Variants in AHNAK observed in about 807,000 individuals in gnomAD.
AHNAK encodes neuroblast differentiation-associated protein AHNAK.
In AHNAK, 23 loss-of-function variants were observed where a neutral mutation model predicts 37.8. The observed-to-expected ratio is 0.61, with a 90% CI of 0.44 to 0.86. The LOEUF is 0.86. Among genes scored for constraint, AHNAK ranks in the 40% least tolerant of loss-of-function variants. The pLI is 0.00. For missense variants in AHNAK, 7,411 were observed against 7,319.4 expected (o/e 1.01, Z -0.46); for synonymous variants, 2,481 against 2,636.3 (o/e 0.94, Z 1.80).
chr11:62,469,912 C>T (rs1938996207), intron 5 of AHNAK, among the ~76,000 whole-genome samples: 1 of 152,192 alleles, frequency 6.6e-6, no homozygotes, highest in South Asian at 2.1e-4. Context: ...CACAGTTCAT[C>T]AATGTGTGTA....
intron 5 of AHNAK, among the ~76,000 whole-genome samples, chr11:62,436,650 G>C (rs1202561739): frequency 7.6e-6 from 1 of 131,296 alleles, no homozygotes; most frequent in African/African-American, 2.8e-5. Flanking sequence ...AAAAAAAAAA[G>C]TATAGGCCGG....
intron 5 of AHNAK, among the ~76,000 whole-genome samples, chr11:62,438,840 G>A (rs778129795): frequency 1.3e-5 from 2 of 152,090 alleles, no homozygotes; most frequent in Non-Finnish European, 2.9e-5. Context: ...TTATTTCAAT[G>A]AGGAGCAAAG....
Position 62,520,439 on chromosome 11 carries a change from A to G in AHNAK, c.13978T>C (p.Phe4660Leu). The G allele has an allele frequency of 6.2e-7, 1 of 1,613,570 alleles. No homozygotes were observed. The highest frequency in any genetic ancestry group is 2.2e-5 in the East Asian group (1 of 44,852). The stretch of plus-strand genomic sequence containing the variant: ...TCTCCTTTGAAGCCAGGCATGCTGA[A>G]CTTGGGCATTTTCACTTTGGGCATT... The part of the protein sequence containing the change: ...LKMPKVKMPK[F>L]SMPGFKGEGP... The change falls in exon 5 of 5, where the codon TTC becomes CTC. Residue 4660 changes from phenylalanine (F) to leucine (L), a missense_variant. Phe to Leu is a conservative substitution (Grantham distance 22). Coordinates refer to ENST00000378024, the MANE Select transcript of AHNAK (RefSeq NM_001620.3).
chr11:62,470,353 A>C (rs1237105061), intron 5 of AHNAK, among the ~76,000 whole-genome samples: 1 of 152,076 alleles, frequency 6.6e-6, no homozygotes, highest in Non-Finnish European at 1.5e-5. Context: ...GGTTGAGGCA[A>C]GAGAATCGCT....
chr11:62,435,815 T>G (rs998576188), intron 5 of AHNAK, among the ~76,000 whole-genome samples: 1 of 152,182 alleles, frequency 6.6e-6, no homozygotes, highest in African/African-American at 2.4e-5. Context: ...CCCAAAGTGC[T>G]GGGATTGCAG....
At chr11:62,448,431 C>G (rs147954999) in intron 5 of AHNAK, among the ~76,000 whole-genome samples, 9 of 152,070 alleles carry the variant, frequency 5.9e-5, no homozygotes, top group African/African-American at 1.7e-4. Flanking sequence ...GCAGTGGTGG[C>G]GGTAGAGATG....
At position 62,521,818 on chromosome 11, in the gene AHNAK, C is replaced by G. The variant is rs202102732; in HGVS notation, c.12599G>C (p.Gly4200Ala). The change falls in exon 5 of 5, where the codon GGC (glycine) becomes GCC (alanine). Residue 4200 changes from glycine (G) to alanine (A), a missense_variant. Coordinates refer to ENST00000378024, the MANE Select transcript of AHNAK (RefSeq NM_001620.3). ...CACATCTGGGCCCTCTCCTTTGAAG[C>G]CAGGCATGCTGAACTTGGGCATTTT... ...KVKMPKFSMPGFKGEGPDVDV... is the reference protein window; with the variant it reads ...KVKMPKFSMPAFKGEGPDVDV... The G allele has an allele frequency of 2.4e-5, 38 of 1,613,480 alleles. No individual in the cohort carries two copies. The East Asian group carries it at 6.5e-4, about 27-fold the overall frequency.
Position 62,527,677 on chromosome 11 carries a change from T to G in AHNAK, c.6740A>C (p.Lys2247Thr), listed in dbSNP as rs61524789. The G allele has an allele frequency of 5.1e-3, 8,216 of 1,613,964 alleles. 365 individuals are homozygous for G. The African/African-American group carries it at 0.096, about 19-fold the overall frequency. ...GCCAGGCATGCTGAACTTGGGCATTTTCATCTTAGGCATCTTCAGGTGCCA... is the reference window on the plus strand; with the variant it reads ...GCCAGGCATGCTGAACTTGGGCATTGTCATCTTAGGCATCTTCAGGTGCCA... ...PDWHLKMPKM[K>T]MPKFSMPGFK... The change falls in exon 5 of 5, where the codon AAA becomes ACA. Residue 2247 changes from lysine to threonine, a missense_variant. By Grantham distance (78) the Lys-to-Thr change is moderately conservative (BLOSUM62 -1). Transcript: ENST00000378024.
At position 62,518,268 on chromosome 11, in the gene AHNAK, A is replaced by G; in HGVS notation, c.16149T>C (p.Pro5383=). The G allele has an allele frequency of 6.2e-7, 1 of 1,614,128 alleles. No homozygotes were observed. Among genetic ancestry groups the G allele is most frequent in the Non-Finnish European group, 8.5e-7 (1 of 1,180,020 alleles). ...GATCAGGAGCTCCTACGGATACTTTAGGGCATTTGATGTCACCAGAGACAG... is the reference window on the plus strand; with the variant it reads ...GATCAGGAGCTCCTACGGATACTTTGGGGCATTTGATGTCACCAGAGACAG... The part of the protein sequence containing the change: ...DLAVSGDIKC[P]KVSVGAPDLS... The change falls in exon 5 of 5, where the codon CCT becomes CCC. Residue 5383 remains proline, a synonymous_variant. Coordinates refer to ENST00000378024, the MANE Select transcript of AHNAK (RefSeq NM_001620.3).
Position 62,521,176 on chromosome 11 carries a change from A to C in AHNAK, c.13241T>G (p.Leu4414Arg), listed in dbSNP as rs768005097. Residue 4414 changes from leucine to arginine, a missense_variant, in exon 5 of 5, where the codon CTC (leucine) becomes CGC (arginine). Leu to Arg is a moderately radical substitution (Grantham distance 102). Coordinates refer to ENST00000378024, the MANE Select transcript of AHNAK (RefSeq NM_001620.3). ...TTTTATGTCAATTTCAGGGCCCTTG[A>C]GATCACCTTCCACTTTGGGCAGAGA... ...DVSLPKVEGDLKGPEIDIKGP... is the reference protein window; with the variant it reads ...DVSLPKVEGDRKGPEIDIKGP... 32 of 1,614,052 alleles carry C rather than the reference A, an allele frequency of 2.0e-5. No homozygotes were observed. The highest frequency in any genetic ancestry group is 2.7e-5 in the Non-Finnish European group (32 of 1,180,014).
rs180847825 is a variant in AHNAK, at chr11:62,454,174, G to A, written c.443-20283C>T. ...CATGCCTATAATCCCAGCACTTTGG[G>A]AGGCGGAGGCGGGCGGATCACGAGG... is the stretch of plus-strand genomic sequence containing the variant. On this transcript the variant is annotated intron_variant, in intron 5 of 5. Transcript: ENST00000257247. Among the ~76,000 whole-genome samples, 399 of 151,952 alleles carry A rather than the reference G, an allele frequency of 2.6e-3. 2 individuals are homozygous for A. The highest frequency in any genetic ancestry group is 9.2e-3 in the African/African-American group (383 of 41,504).
intron 4 of AHNAK, 54 bp from the exon 5 acceptor site, chr11:62,534,128 G>C (rs1940868559): frequency 1.3e-6 from 2 of 1,493,582 alleles, no homozygotes; most frequent in East Asian, 4.6e-5. Flanking sequence ...TGAGTTAGCA[G>C]ATGCCCGGCC....
At chr11:62,433,989 AG>A in intron 5 of AHNAK, 1 of 1,470,856 alleles carries the variant, frequency 6.8e-7, no homozygotes. Flanking sequence ...AACTGAAAGA[AG>A]GTCCCCCCAC....
rs772677400 is a variant in AHNAK, at chr11:62,518,466, T to C, written c.15951A>G (p.Ala5317=). ...CATGCACCTTCATGCTGGGAACAGATGCATCCAGGTCTCCCTTCAAACTTG... is the reference window on the plus strand; with the variant it reads ...CATGCACCTTCATGCTGGGAACAGACGCATCCAGGTCTCCCTTCAAACTTG... ...KGPSLKGDLD[A]SVPSMKVHAP... The change falls in exon 5 of 5, where the codon GCA becomes GCG. Residue 5317 remains alanine, a synonymous_variant. Coordinates refer to ENST00000378024, the MANE Select transcript of AHNAK (RefSeq NM_001620.3). 3.1e-6 allele frequency: 5 copies of C among 1,613,962 alleles called. No individual in the cohort carries two copies. Among genetic ancestry groups the C allele is most frequent in the Middle Eastern group, 1.6e-4 (1 of 6,084 alleles).
rs762358466 is a variant in AHNAK at position 62,531,516 on chromosome 11, T to C, written c.2901A>G (p.Thr967=). 2 of 1,614,092 alleles carry C rather than the reference T, an allele frequency of 1.2e-6. No homozygotes were observed. Among genetic ancestry groups the C allele is most frequent in the Non-Finnish European group, 1.7e-6 (2 of 1,180,034 alleles). The change falls in exon 5 of 5, where the codon ACA becomes ACG. Residue 967 remains threonine, a synonymous_variant. Transcript: ENST00000378024. ...TCAGGTCCCCTTCCAGCTTTGGCAC[T>C]GTCATATCATATTCTCCCTTTACTT... ...GPKVKGEYDM[T]VPKLEGDLKG... is the part of the protein sequence containing the mutation.
Position 62,522,121 on chromosome 11 carries a change from T to C in AHNAK, c.12296A>G (p.Asp4099Gly). The C allele has an allele frequency of 6.2e-7, 1 of 1,613,794 alleles. No homozygotes were observed. Among genetic ancestry groups the C allele is most frequent in the Non-Finnish European group, 8.5e-7 (1 of 1,179,970 alleles). The change falls in exon 5 of 5, where the codon GAC (aspartate) becomes GGC (glycine). Residue 4099 changes from aspartate to glycine, a missense_variant. Transcript: ENST00000378024. ...IDVSGPKVDI[D>G]TPDIDIHGPE... ...ACCATGAATATCAATATCAGGAGTG[T>C]CAATGTCCACTTTGGGTCCTGAGAC...
rs1940601763 is a variant in AHNAK, at chr11:62,528,617, G to A, written c.5800C>T (p.Pro1934Ser). 1 of 1,609,124 alleles carries A rather than the reference G, an allele frequency of 6.2e-7. No individual in the cohort carries two copies. Among genetic ancestry groups the A allele is most frequent in the Non-Finnish European group, 8.5e-7 (1 of 1,179,076 alleles). The change falls in exon 5 of 5, where the codon CCC (proline) becomes TCC (serine). Residue 1934 changes from proline (P) to serine (S), a missense_variant. Transcript: ENST00000378024. Reference protein sequence around the residue: ...MPDVDLHLKGPKVKGDVDVSV... With the variant: ...MPDVDLHLKGSKVKGDVDVSV... The stretch of plus-strand genomic sequence containing the variant: ...ACATCCACATCCCCTTTGACTTTGG[G>A]GCCTTTCAAGTGTAAGTCCACATCA...
Position 62,529,178 on chromosome 11 carries a change from T to G in AHNAK, c.5239A>C (p.Ser1747Arg), listed in dbSNP as rs772606272. ...AAATCAGGAGCATCAGTGTCCACAC[T>G]GGGTCCAGACACATCAATGTCAGCC... ...PKADIDVSGPSVDTDAPDLDI... is the reference protein window; with the variant it reads ...PKADIDVSGPRVDTDAPDLDI... Residue 1747 changes from serine (S) to arginine (R), a missense_variant, in exon 5 of 5, where the codon AGT becomes CGT. Ser to Arg is a moderately radical substitution (Grantham distance 110). Transcript: ENST00000378024. 2.5e-5 allele frequency: 41 copies of G among 1,614,104 alleles called. No homozygotes were observed. Among genetic ancestry groups the G allele is most frequent in the Non-Finnish European group, 3.3e-5 (39 of 1,180,042 alleles).
intron 5 of AHNAK, among the ~76,000 whole-genome samples, chr11:62,458,419 A>G (rs1050728503): frequency 2.0e-5 from 3 of 152,044 alleles, no homozygotes; most frequent in Admixed American, 2.0e-4. Context: ...AGAGTGCACC[A>G]CGGTTCTGAG....
Sources: gnomAD v4.1 joint callset for allele counts (sites outside exome capture counted in the v4.1 genomes callset) on GRCh38, gnomAD v4.1.1 for gene constraint, MANE v1.5 for transcripts, NCBI Gene and HGNC (gene_info 2026-07-23, HGNC 2026-07-21) for gene names.